FAM107B: variants seen among roughly 807,000 people sequenced by gnomAD.
FAM107B encodes the protein protein FAM107B.
FAM107B carries 21 observed loss-of-function variants against 31.5 expected under a neutral mutation model. The ratio of observed to expected loss-of-function variants is 0.67; its 90% CI spans 0.47 to 0.96. FAM107B has a LOEUF of 0.96. Ranked by LOEUF, FAM107B falls within the 40% of genes least tolerant of loss-of-function variation. FAM107B has a pLI of 0.00. For missense variants in FAM107B, 452 were observed against 377.1 expected, an observed-to-expected ratio of 1.20 and a Z score of -1.64; for synonymous variants, 157 against 141.5, an observed-to-expected ratio of 1.11 and a Z score of -0.78.
intron 2 of FAM107B, among the ~76,000 whole-genome samples, chr10:14,640,429 A>G (rs1054558874): frequency 6.6e-5 from 10 of 152,078 alleles, no homozygotes; most frequent in Non-Finnish European, 1.2e-4. Context: ...CCCAAAGTAA[A>G]CTCTCTTTGG....
chr10:14,625,794 G>A (rs900834841), intron 2 of FAM107B, among the ~76,000 whole-genome samples: 6 of 143,464 alleles, frequency 4.2e-5, no homozygotes, highest in Middle Eastern at 3.7e-3. Context: ...ATATTCAAGA[G>A]TACTTTGGCC....
chr10:14,709,776 TG>T (rs370870886), intron 1 of FAM107B, among the ~76,000 whole-genome samples: 3 of 152,246 alleles, frequency 2.0e-5, no homozygotes, highest in African/African-American at 7.2e-5. Context: ...TGAAAAGACA[TG>T]GAGAAACATT....
At chr10:14,699,150 G>A (rs1001623895) in intron 1 of FAM107B, among the ~76,000 whole-genome samples, 3 of 152,184 alleles carry the variant, frequency 2.0e-5, no homozygotes, top group African/African-American at 7.2e-5. Flanking sequence ...TGGTTGTAGA[G>A]AAGGAAATTG....
At chr10:14,691,493 G>A (rs73586415) in intron 1 of FAM107B, among the ~76,000 whole-genome samples, 5,076 of 152,282 alleles carry the variant, frequency 0.033, 284 homozygotes, top group African/African-American at 0.12. Context: ...GTATGAGCCA[G>A]GCAGTGAGCT....
intron 2 of FAM107B, among the ~76,000 whole-genome samples, chr10:14,639,483 TC>T (rs1465115377): frequency 6.6e-6 from 1 of 152,122 alleles, no homozygotes. Flanking sequence ...AGTCAGGAAA[TC>T]CAGTATAAAT....
intron 2 of FAM107B, among the ~76,000 whole-genome samples, chr10:14,635,961 T>A (rs1853487947): frequency 6.6e-6 from 1 of 152,164 alleles, no homozygotes; most frequent in Admixed American, 6.6e-5. Flanking sequence ...AATTCTGTGA[T>A]AAATGATAGC....
chr10:14,526,646 G>T (rs1213860176), intron 3 of FAM107B, among the ~76,000 whole-genome samples: 1 of 152,138 alleles, frequency 6.6e-6, no homozygotes. Context: ...AGTATTTATT[G>T]AGGAACTATT....
chr10:14,755,187 T>C (rs1394045917), intron 1 of FAM107B, among the ~76,000 whole-genome samples: 1 of 152,214 alleles, frequency 6.6e-6, no homozygotes, highest in African/African-American at 2.4e-5. Context: ...AACCATGGTC[T>C]AAATGAAACT....
At chr10:14,679,137 C>CT (rs5783418) in intron 1 of FAM107B, among the ~76,000 whole-genome samples, 20,512 of 150,758 alleles carry the variant, frequency 0.14, 1,663 homozygotes, top group African/African-American at 0.22. Flanking sequence ...ATTTGTTTTC[C>CT]TTTTTTTTTG....
At chr10:14,538,987 G>A (rs1270191981) in intron 2 of FAM107B, among the ~76,000 whole-genome samples, 6 of 152,162 alleles carry the variant, frequency 3.9e-5, no homozygotes, top group Admixed American at 6.5e-5. Flanking sequence ...CAGCATTCTT[G>A]AAAACTCATG....
At chr10:14,556,599 C>T (rs985747085) in intron 2 of FAM107B, among the ~76,000 whole-genome samples, 1 of 152,220 alleles carries the variant, frequency 6.6e-6, no homozygotes, top group African/African-American at 2.4e-5. Context: ...CTCCCTGGTC[C>T]ATCTAGGCCA....
intron 2 of FAM107B, among the ~76,000 whole-genome samples, chr10:14,623,745 G>A (rs999826386): frequency 6.6e-6 from 1 of 152,190 alleles, no homozygotes; most frequent in Non-Finnish European, 1.5e-5. Context: ...AGAATTGCTT[G>A]AACCTGGGAG....
At chr10:14,626,499 C>CTTTTTTT (rs71505032) in intron 2 of FAM107B, among the ~76,000 whole-genome samples, 6 of 109,042 alleles carry the variant, frequency 5.5e-5, no homozygotes, top group African/African-American at 6.6e-5. Flanking sequence ...TGAGGCGGAT[C>CTTTTTTT]TTTTTTTTCT....
chr10:14,712,933 G>A (rs780094611), intron 1 of FAM107B, among the ~76,000 whole-genome samples: 74 of 152,098 alleles, frequency 4.9e-4, no homozygotes, highest in Admixed American at 8.5e-4. Flanking sequence ...TTTCACTTTA[G>A]GGCTTTTTGG....
At chr10:14,570,863 ATTT>A (rs35227134) in intron 2 of FAM107B, among the ~76,000 whole-genome samples, 9 of 145,778 alleles carry the variant, frequency 6.2e-5, no homozygotes, top group African/African-American at 7.6e-5. Context: ...TCATGTGTTC[ATTT>A]TTTTTTTTTT....
intron 2 of FAM107B, among the ~76,000 whole-genome samples, chr10:14,579,804 T>C (rs1333981034): frequency 2.0e-5 from 3 of 151,940 alleles, no homozygotes; most frequent in Non-Finnish European, 4.4e-5. Context: ...GACAGATCAC[T>C]TGAGGTCAGG....
intron 2 of FAM107B, among the ~76,000 whole-genome samples, chr10:14,599,566 G>A (rs1852300308): frequency 6.6e-6 from 1 of 152,120 alleles, no homozygotes; most frequent in African/African-American, 2.4e-5. Flanking sequence ...ACTTTGGGAG[G>A]CCAAGGCAGG....
chr10:14,725,217 G>C (rs1441008571), intron 1 of FAM107B, among the ~76,000 whole-genome samples: 3 of 152,104 alleles, frequency 2.0e-5, no homozygotes, highest in Non-Finnish European at 4.4e-5. Context: ...TGGCTTATGA[G>C]ATGGCTGAGT....
intron 1 of FAM107B, among the ~76,000 whole-genome samples, chr10:14,674,685 G>A (rs1854639696): frequency 6.6e-6 from 1 of 152,162 alleles, no homozygotes; most frequent in Admixed American, 6.5e-5. Context: ...CCAGGTAGCA[G>A]CTACAGGTAT....
Sources: gnomAD v4.1 joint callset for allele counts (sites outside exome capture counted in the v4.1 genomes callset) on GRCh38, gnomAD v4.1.1 for gene constraint, MANE v1.5 for transcripts, NCBI Gene and HGNC (gene_info 2026-07-23, HGNC 2026-07-21) for gene names.